Variants in ALLC observed in about 807,000 individuals in gnomAD.
ALLC encodes allantoicase.
ALLC carries 40 observed loss-of-function variants against 45.0 expected under a neutral mutation model. The observed-to-expected ratio is 0.89, with a 90% CI of 0.69 to 1.16. The LOEUF (loss-of-function observed/expected upper bound fraction) is 1.16, where lower values mean the gene tolerates loss of function less well. Ranked by LOEUF, ALLC falls within the 50% of genes most tolerant of loss-of-function variation. The probability of loss-of-function intolerance (pLI) is 0.00; values close to 1 mark genes in which losing one functional copy is unlikely to be tolerated. For synonymous variants in ALLC, 176 were observed against 178.1 expected (o/e 0.99, Z 0.09); for missense variants, 488 against 493.1 (o/e 0.99, Z 0.10).
At chr2:3,656,448 C>T (rs928416584), upstream of ALLC, among the ~76,000 whole-genome samples, 2 of 152,250 alleles carry the variant, frequency 1.3e-5, no homozygotes, top group African/African-American at 2.4e-5. Context: ...CCCAGCCTGT[C>T]GCCTCTGCCG....
At chr2:3,648,833 T>C in the ALLC span, among the ~76,000 whole-genome samples, 2 of 152,220 alleles carry the variant, frequency 1.3e-5, no homozygotes, top group African/African-American at 4.8e-5. Flanking sequence ...AGTGTGATCT[T>C]CATGAAGTTA....
chr2:3,702,438 A>T lies in ALLC; in HGVS notation c.1051A>T (p.Thr351Ser). The T allele has an allele frequency of 6.2e-7, 1 of 1,612,886 alleles. No individual in the cohort carries two copies. Among genetic ancestry groups the T allele is most frequent in the Non-Finnish European group, 8.5e-7 (1 of 1,179,770 alleles). Residue 351 changes from threonine to serine, a missense_variant, in exon 12 of 12, where the codon ACC (threonine) becomes TCC (serine). Physicochemically the swap from Thr to Ser is moderately conservative, Grantham distance 58. Transcript: ENST00000252505. ...LQDVITHARLTIVPDGGVSRL... is the reference protein window; with the variant it reads ...LQDVITHARLSIVPDGGVSRL... ...AGATGTCATCACTCACGCCAGGCTC[A>T]CCATCGTCCCCGACGGGGGAGTGAG...
intron 6 of ALLC, among the ~76,000 whole-genome samples, chr2:3,682,629 C>G (rs780330239): frequency 6.6e-6 from 1 of 152,114 alleles, no homozygotes; most frequent in Non-Finnish European, 1.5e-5. Flanking sequence ...AGGTTCACGC[C>G]ATTCTCCTGC....
the ALLC span, among the ~76,000 whole-genome samples, chr2:3,646,917 G>T: frequency 6.8e-6 from 1 of 148,040 alleles, no homozygotes; most frequent in Admixed American, 7.0e-5. Context: ...GTGTTGGGGG[G>T]CCAGGCTGTG....
intron 1 of ALLC, among the ~76,000 whole-genome samples, chr2:3,670,380 C>T (rs1416931220): frequency 2.0e-5 from 3 of 152,176 alleles, no homozygotes; most frequent in Non-Finnish European, 2.9e-5. Flanking sequence ...CAGACGCCAC[C>T]TCTTGGCTTA....
intron 1 of ALLC, among the ~76,000 whole-genome samples, chr2:3,662,463 A>G (rs1392240788): frequency 2.6e-5 from 4 of 152,246 alleles, no homozygotes; most frequent in Non-Finnish European, 5.9e-5. Flanking sequence ...GGTCATTTGT[A>G]ATTAGCACAT....
intron 1 of ALLC, among the ~76,000 whole-genome samples, chr2:3,668,501 C>T (rs13018741): frequency 0.18 from 26,320 of 149,198 alleles, 2,470 homozygotes; most frequent in Middle Eastern, 0.22. Flanking sequence ...AGGAGGGAGA[C>T]GGTGCTGGTG....
At chr2:3,697,317 G>T in intron 9 of ALLC, 31 bp from the exon 10 acceptor site, 1 of 1,580,990 alleles carries the variant, frequency 6.3e-7, no homozygotes, top group Non-Finnish European at 8.7e-7. Flanking sequence ...CTCCAAGTTC[G>T]TTTACCATTT....
intron 10 of ALLC, among the ~76,000 whole-genome samples, chr2:3,699,037 T>G (rs944417342): frequency 3.3e-4 from 50 of 152,370 alleles, no homozygotes; most frequent in African/African-American, 1.1e-3. Flanking sequence ...TTCTTTTAAC[T>G]ATTATTTTAG....
chr2:3,660,160 G>T (rs868221634), intron 1 of ALLC, among the ~76,000 whole-genome samples: 1 of 152,114 alleles, frequency 6.6e-6, no homozygotes, highest in Non-Finnish European at 1.5e-5. Flanking sequence ...GTGGTGAGAC[G>T]GTTCTTCCTC....
intron 4 of ALLC, among the ~76,000 whole-genome samples, chr2:3,679,148 C>T (rs573043312): frequency 1.6e-4 from 25 of 152,198 alleles, no homozygotes; most frequent in Non-Finnish European, 2.6e-4. Context: ...TTTTACTTGC[C>T]ACTATCTCAA....
intron 7 of ALLC, 94 bp from the exon 8 acceptor site, chr2:3,695,623 G>A (rs1667643825): frequency 2.1e-6 from 3 of 1,454,902 alleles, no homozygotes; most frequent in Non-Finnish European, 2.9e-6. Context: ...AGCCTACCAA[G>A]AGATGACACT....
chr2:3,667,683 G>T (rs1017126074), intron 1 of ALLC, among the ~76,000 whole-genome samples: 1 of 152,224 alleles, frequency 6.6e-6, no homozygotes, highest in African/African-American at 2.4e-5. Flanking sequence ...ATGTTAGGGG[G>T]TTCACTAAGG....
At chr2:3,655,989 C>A (rs563859959), upstream of ALLC, among the ~76,000 whole-genome samples, 27 of 152,036 alleles carry the variant, frequency 1.8e-4, no homozygotes, top group Non-Finnish European at 3.7e-4. Flanking sequence ...GCAGAGCCAG[C>A]GAGCTCCCAG....
rs34480482 is a variant in ALLC at position 3,690,954 on chromosome 2, G to GTT, written c.512-4752_512-4751dup. 3.4e-3 allele frequency among the ~76,000 whole-genome samples: 495 copies of GTT among 144,992 alleles called. 1 individual carries two copies. Among genetic ancestry groups the GTT allele is most frequent in the African/African-American group, 0.012 (468 of 39,570 alleles). ...AAATGTTTTCTTTTTGCACATTAGT[G>GTT]TTTTTTTTTTTTCAAATGGAAGAAC... On this transcript the variant is annotated intron_variant, in intron 7 of 11. Transcript: ENST00000252505.
At chr2:3,656,897 G>C (rs969407261), upstream of ALLC, among the ~76,000 whole-genome samples, 2 of 151,992 alleles carry the variant, frequency 1.3e-5, no homozygotes, top group Non-Finnish European at 2.9e-5. Context: ...CACAGCCTAG[G>C]CTTAGCGAAA....
chr2:3,672,936 C>G (rs928602031), intron 2 of ALLC, among the ~76,000 whole-genome samples: 1 of 152,216 alleles, frequency 6.6e-6, no homozygotes, highest in African/African-American at 2.4e-5. Context: ...GTGCCTGCCC[C>G]CAGGAAGCTA....
intron 1 of ALLC, among the ~76,000 whole-genome samples, chr2:3,662,210 C>T (rs146777344): frequency 3.9e-5 from 6 of 152,328 alleles, no homozygotes; most frequent in East Asian, 1.9e-4. Context: ...CTGGGCCCAC[C>T]CAGATCGTCC....
the ALLC span, among the ~76,000 whole-genome samples, chr2:3,645,902 G>T: frequency 6.6e-6 from 1 of 152,194 alleles, no homozygotes; most frequent in Non-Finnish European, 1.5e-5. The surrounding 1 kb of genome is among the most constrained non-coding windows in gnomAD (Gnocchi z 4.3). Flanking sequence ...GGCTCCCAGG[G>T]GTGGGTGTAT....
Sources: gnomAD v4.1 joint callset for allele counts (sites outside exome capture counted in the v4.1 genomes callset) on GRCh38, gnomAD v4.1.1 for gene constraint, Gnocchi (gnomAD v3.1) non-coding constraint, MANE v1.5 for transcripts, NCBI Gene and HGNC (gene_info 2026-07-23, HGNC 2026-07-21) for gene names.